Variants in STARD10 observed in about 807,000 individuals in gnomAD.
STARD10 encodes StAR related lipid transfer domain containing 10.
In STARD10, 24 loss-of-function variants were observed where a neutral mutation model predicts 36.0. The observed-to-expected ratio is 0.67, with a 90% CI of 0.48 to 0.94. The LOEUF is 0.94. Ranked by LOEUF, STARD10 falls within the 40% of genes least tolerant of loss-of-function variation. The pLI is 0.00. For missense variants in STARD10, 335 were observed against 396.6 expected (o/e 0.84, Z 1.32); for synonymous variants, 156 against 161.9 (o/e 0.96, Z 0.28).
At chr11:72,765,677 T>G (rs1858777925) in intron 2 of STARD10, among the ~76,000 whole-genome samples, 1 of 151,952 alleles carries the variant, frequency 6.6e-6, no homozygotes, top group African/African-American at 2.4e-5. Flanking sequence ...GCGTAGTAAA[T>G]ACTCAAAAAT....
At chr11:72,766,585 G>A (rs1858793630) in intron 2 of STARD10, among the ~76,000 whole-genome samples, 1 of 152,148 alleles carries the variant, frequency 6.6e-6, no homozygotes. Flanking sequence ...AGGGTCCAGT[G>A]CCCAAGCTGT....
At chr11:72,786,757 T>C (rs186880743) in intron 1 of STARD10, among the ~76,000 whole-genome samples, 2 of 152,204 alleles carry the variant, frequency 1.3e-5, no homozygotes, top group East Asian at 3.9e-4. Context: ...GGCACCAAAG[T>C]GGAGTTGCCA....
At chr11:72,772,824 T>C (rs946690330) in intron 2 of STARD10, among the ~76,000 whole-genome samples, 2 of 152,180 alleles carry the variant, frequency 1.3e-5, no homozygotes, top group African/African-American at 4.8e-5. Context: ...CTCAGCTTGT[T>C]GCTTTATCCT....
rs148180246 is a variant in STARD10, at chr11:72,768,074, G to A, written c.208-8693C>T. On this transcript the variant is annotated intron_variant, in intron 2 of 6. Coordinates refer to ENST00000334805, the MANE Select transcript of STARD10 (RefSeq NM_006645.3). ...AAAAATGCCAAGATCCCTCCACAGCGTGAGTGCACAGCGAGGGGGTGGGCA... is the reference window on the plus strand; with the variant it reads ...AAAAATGCCAAGATCCCTCCACAGCATGAGTGCACAGCGAGGGGGTGGGCA... 1.4e-3 allele frequency among the ~76,000 whole-genome samples: 216 copies of A among 152,266 alleles called. 1 individual carries two copies. Among genetic ancestry groups the A allele is most frequent in the African/African-American group, 5.0e-3 (208 of 41,544 alleles).
intron 2 of STARD10, among the ~76,000 whole-genome samples, chr11:72,765,725 C>T (rs751088820): frequency 1.3e-5 from 2 of 151,908 alleles, no homozygotes; most frequent in African/African-American, 2.4e-5. Flanking sequence ...AATCCCAGCA[C>T]TTCGGGAGGC....
At position 72,792,041 on chromosome 11, in the gene STARD10, A is replaced by AT. The variant is rs869068929; in HGVS notation, c.-114+833dup. On this transcript the variant is annotated intron_variant, in intron 1 of 6. Transcript: ENST00000334805. ...CGGCATACACCACCACACCTGGCTA[A>AT]TTTTTTTTTTTTTTTTTTTTTTTTT... Among the ~76,000 whole-genome samples the AT allele has an allele frequency of 5.4e-3, 211 of 38,808 alleles. 14 individuals are homozygous for AT. The highest frequency in any genetic ancestry group is 0.025 in the African/African-American group (188 of 7,408). 25.5% of individuals were successfully genotyped at this position (38,808 alleles called of 152,430 possible).
intron 2 of STARD10, among the ~76,000 whole-genome samples, chr11:72,763,353 T>C (rs1016589054): frequency 1.3e-5 from 2 of 152,220 alleles, no homozygotes; most frequent in South Asian, 2.1e-4. Flanking sequence ...AAAATACTTA[T>C]TAATTACAAA....
In STARD10 at chr11:72,781,878, C is replaced by G. The variant is rs1032363153; in HGVS notation, c.-113-584G>C. ...CTCGGCGGCCGCGGCTCGGGATTTT[C>G]CAGGCTGCGGAGGTGAAGCTGACGG... On this transcript the variant is annotated intron_variant, in intron 1 of 6. Coordinates refer to ENST00000334805, the MANE Select transcript of STARD10 (RefSeq NM_006645.3). The surrounding 1 kb of genome is among the most constrained non-coding windows in gnomAD (Gnocchi z 4.7). The G allele has an allele frequency of 5.3e-5, 8 of 151,384 alleles. No homozygotes were observed. Among genetic ancestry groups the G allele is most frequent in the Middle Eastern group, 3.4e-3 (1 of 290 alleles). The allele number at this position is 151,384 out of a possible 1,614,324, so 9.4% of individuals were successfully genotyped here. A position where few individuals can be genotyped will look rare whatever the true frequency, so the allele number is the denominator to read the frequency against.
rs1284875877 is a variant in STARD10 at position 72,781,182 on chromosome 11, G to T, written c.-1C>A. On this transcript the variant is annotated 5_prime_UTR_variant, in exon 2 of 7. Transcript: ENST00000334805. The surrounding 1 kb of genome is among the most constrained non-coding windows in gnomAD (Gnocchi z 4.7). Reference sequence around the variant, plus strand: ...CTGTAGAGGCCGCCAGCTTCTCCATGGGGAGTGTGGGGAGGCCCAGGGCCC... The same window carrying T: ...CTGTAGAGGCCGCCAGCTTCTCCATTGGGAGTGTGGGGAGGCCCAGGGCCC... 1 of 1,607,492 alleles carries T rather than the reference G, an allele frequency of 6.2e-7. No homozygotes were observed. The highest frequency in any genetic ancestry group is 8.5e-7 in the Non-Finnish European group (1 of 1,179,442).
At chr11:72,792,648 A>G (rs929823761) in intron 1 of STARD10, among the ~76,000 whole-genome samples, 4 of 152,062 alleles carry the variant, frequency 2.6e-5, no homozygotes, top group Non-Finnish European at 5.9e-5. Context: ...AGTGGCTCCT[A>G]GACCTCAGCT....
chr11:72,786,087 C>T (rs1859067567), intron 1 of STARD10: 1 of 152,452 alleles, frequency 6.6e-6, no homozygotes, highest in African/African-American at 2.4e-5. Context: ...CGCGGTGGCT[C>T]ACACCTGTAA....
At chr11:72,783,416 G>A (rs988681510) in intron 1 of STARD10, 13 of 152,176 alleles carry the variant, frequency 8.5e-5, no homozygotes, top group Non-Finnish European at 1.5e-4. Flanking sequence ...CTGGGAATGA[G>A]TAGGTGGCAG....
rs1360030130 is a variant in STARD10 at position 72,762,472 on chromosome 11, A to G, written c.208-3091T>C. Among the ~76,000 whole-genome samples, 5 of 152,078 alleles carry G rather than the reference A, an allele frequency of 3.3e-5. No individual in the cohort carries two copies. The South Asian group carries it at 1.0e-3, about 32-fold the overall frequency. On this transcript the variant is annotated intron_variant, in intron 2 of 6. Transcript: ENST00000334805. Reference sequence around the variant, plus strand: ...TGCAATATTGTTTGTGTCACCCTAAACAATTCACCCTCCCTTTCTACCCCA... The same window carrying G: ...TGCAATATTGTTTGTGTCACCCTAAGCAATTCACCCTCCCTTTCTACCCCA...
In STARD10 at chr11:72,781,407, GC is replaced by G; in HGVS notation, c.-113-114del. 1.8e-6 allele frequency: 1 copy of G among 562,056 alleles called. No individual in the cohort carries two copies. Among genetic ancestry groups the G allele is most frequent in the Non-Finnish European group, 3.2e-6 (1 of 312,198 alleles). 34.8% of individuals were successfully genotyped at this position (562,056 alleles called of 1,614,324 possible). On this transcript the variant is annotated intron_variant, in intron 1 of 6. Coordinates refer to ENST00000334805, the MANE Select transcript of STARD10 (RefSeq NM_006645.3). This position sits in a 1 kb window ranked among gnomAD's most constrained non-coding sequence, Gnocchi z 4.7. ...AGGTAGGGGCTGGCCCCAGGGAAGG[GC>G]GGACGGGCGCTGGACAGCCTCGGGG... is the stretch of plus-strand genomic sequence containing the variant.
At chr11:72,772,578 C>T (rs763267974) in intron 2 of STARD10, among the ~76,000 whole-genome samples, 33 of 152,206 alleles carry the variant, frequency 2.2e-4, no homozygotes, top group Non-Finnish European at 4.3e-4. Context: ...CTTCTCTGTC[C>T]TCTGTGGCCA....
At chr11:72,780,087 A>T (rs1039976011) in intron 2 of STARD10, 1 of 375,728 alleles carries the variant, frequency 2.7e-6, no homozygotes, top group Non-Finnish European at 5.6e-6. Flanking sequence ...AAGGGGACCT[A>T]CCAGCCCTGG....
chr11:72,778,634 TG>T (rs1179728278), intron 2 of STARD10, among the ~76,000 whole-genome samples: 1 of 152,100 alleles, frequency 6.6e-6, no homozygotes, highest in Non-Finnish European at 1.5e-5. Flanking sequence ...GGAGCAAAGC[TG>T]GGGAGGCACC....
At chr11:72,768,001 C>G (rs1858814173) in intron 2 of STARD10, among the ~76,000 whole-genome samples, 1 of 152,164 alleles carries the variant, frequency 6.6e-6, no homozygotes, top group Admixed American at 6.5e-5. Flanking sequence ...CACTAACCCC[C>G]AAAGGACAGG....
chr11:72,766,479 G>T (rs779099464), intron 2 of STARD10, among the ~76,000 whole-genome samples: 2 of 152,204 alleles, frequency 1.3e-5, no homozygotes, highest in Non-Finnish European at 2.9e-5. Flanking sequence ...AGCCCAAAAG[G>T]ATAAGGCCCT....
Sources: gnomAD v4.1 joint callset for allele counts (sites outside exome capture counted in the v4.1 genomes callset) on GRCh38, gnomAD v4.1.1 for gene constraint, Gnocchi (gnomAD v3.1) non-coding constraint, MANE v1.5 for transcripts, NCBI Gene and HGNC (gene_info 2026-07-23, HGNC 2026-07-21) for gene names.